CLGN: variants seen among roughly 807,000 people sequenced by gnomAD.
The protein encoded by CLGN is calmegin, also known as testis tissue sperm-binding protein Li 79P.
In CLGN, 62 loss-of-function variants were observed where a neutral mutation model predicts 79.1. The observed-to-expected ratio is 0.78, with a 90% CI of 0.64 to 0.97. The LOEUF (loss-of-function observed/expected upper bound fraction) is 0.97. Among genes scored for constraint, CLGN ranks in the 50% least tolerant of loss-of-function variants. The pLI is 0.00. For synonymous variants in CLGN, 225 were observed against 224.7 expected, an observed-to-expected ratio of 1.00 and a Z score of -0.01; for missense variants, 647 against 715.5, an observed-to-expected ratio of 0.90 and a Z score of 1.09.
intron 1 of CLGN, among the ~76,000 whole-genome samples, chr4:140,420,303 A>G (rs557194970): frequency 6.6e-6 from 1 of 152,278 alleles, no homozygotes; most frequent in South Asian, 2.1e-4. Context: ...TTCCTTAGAA[A>G]TAGTTGCCAA....
chr4:140,404,200 T>C (rs1049797766), intron 5 of CLGN, among the ~76,000 whole-genome samples: 1 of 152,012 alleles, frequency 6.6e-6, no homozygotes, highest in African/African-American at 2.4e-5. Context: ...TTCACGCCAT[T>C]CTCCTGCCTC....
At chr4:140,406,954 G>A (rs1372774018) in intron 4 of CLGN, among the ~76,000 whole-genome samples, 1 of 152,032 alleles carries the variant, frequency 6.6e-6, no homozygotes, top group African/African-American at 2.4e-5. Flanking sequence ...CCAGTATTGT[G>A]TCAACTCAAA....
At chr4:140,396,905 A>ATG (rs1168394243) in intron 8 of CLGN, among the ~76,000 whole-genome samples, 1,681 of 39,512 alleles carry the variant, frequency 0.043, 64 homozygotes, top group Admixed American at 0.21. Flanking sequence ...ATATATATAT[A>ATG]TGTATATATA....
Position 140,393,831 on chromosome 4 carries a change from T to C in CLGN, c.1360A>G (p.Asn454Asp). The C allele has an allele frequency of 6.2e-7, 1 of 1,613,408 alleles. No homozygotes were observed. ...GCTATTGGTCAACACCATACCTTAT[T>C]AGCATTTGCTATCATTATTTTCCAT... ...WRWKIMIANA[N>D]KPGVLKQLMA... The change falls in exon 11 of 15, where the codon AAT (asparagine) becomes GAT (aspartate). Residue 454 changes from asparagine to aspartate, a missense_variant. Physicochemically the swap from Asn to Asp is conservative, Grantham distance 23 (BLOSUM62 1). Coordinates refer to ENST00000325617, the MANE Select transcript of CLGN (RefSeq NM_004362.3).
chr4:140,394,219 C>T (rs1039664461), intron 10 of CLGN, among the ~76,000 whole-genome samples, 178 bp from the exon 11 acceptor site: 3 of 152,068 alleles, frequency 2.0e-5, no homozygotes, highest in East Asian at 1.9e-4. Context: ...TTGCTGTGTA[C>T]ACAATGTTCC....
intron 8 of CLGN, among the ~76,000 whole-genome samples, chr4:140,396,898 T>TATATAC (rs1728895888): frequency 1.7e-5 from 1 of 60,086 alleles, no homozygotes; most frequent in Non-Finnish European, 4.0e-5. Flanking sequence ...TATGTATATA[T>TATATAC]ATATATATGT....
In CLGN at chr4:140,409,846, T is replaced by C; in HGVS notation, c.268A>G (p.Ile90Val). Residue 90 changes from isoleucine to valine, a missense_variant, in exon 4 of 15, where the codon ATA becomes GTA. Ile to Val is a conservative substitution (Grantham distance 29, BLOSUM62 3). Transcript: ENST00000325617. ...KKDDMDEEIS[I>V]YDGRWEIEEL... ...TAAATAAATATTTTACCATCGTATA[T>C]TGAAATTTCCTCATCCATGTCATCT... The C allele has an allele frequency of 6.3e-7, 1 of 1,591,822 alleles. No homozygotes were observed. Among genetic ancestry groups the C allele is most frequent in the East Asian group, 2.3e-5 (1 of 44,404 alleles).
At chr4:140,393,539 A>G (rs554917284) in intron 11 of CLGN, among the ~76,000 whole-genome samples, 39 of 152,276 alleles carry the variant, frequency 2.6e-4, no homozygotes, top group Middle Eastern at 3.4e-3. Flanking sequence ...TGACAAAGAT[A>G]TTAAGTAGTC....
chr4:140,414,957 C>T (rs1324578106), intron 1 of CLGN, among the ~76,000 whole-genome samples: 5 of 150,722 alleles, frequency 3.3e-5, no homozygotes, highest in East Asian at 2.0e-4. Context: ...AGAGAAAGGT[C>T]GGGTTACCCT....
At position 140,408,827 on chromosome 4, in the gene CLGN, G is replaced by A. The variant is rs147690023; in HGVS notation, c.277+1010C>T. ...GAAATCCCACTACTGCTTTTTCTGT[G>A]CATATGGTGGTGTCCTTTTTGGAGT... is the stretch of plus-strand genomic sequence containing the variant. On this transcript the variant is annotated intron_variant, in intron 4 of 14. Coordinates refer to ENST00000325617, the MANE Select transcript of CLGN (RefSeq NM_004362.3). Among the ~76,000 whole-genome samples, 505 of 148,524 alleles carry A rather than the reference G, an allele frequency of 3.4e-3. 2 individuals are homozygous for A. Among genetic ancestry groups the A allele is most frequent in the African/African-American group, 0.012 (468 of 40,634 alleles).
At position 140,388,848 on chromosome 4, in the gene CLGN, T is replaced by C. The variant is rs1455186267; in HGVS notation, c.*376A>G. ...CTCATTTTTATTATAGAACTACCAG[T>C]TATATTGTTGTATAGCCATTTAAGT... On this transcript the variant is annotated 3_prime_UTR_variant, in exon 15 of 15. Coordinates refer to ENST00000325617, the MANE Select transcript of CLGN (RefSeq NM_004362.3). 5.8e-6 allele frequency: 1 copy of C among 171,972 alleles called. No homozygotes were observed. The highest frequency in any genetic ancestry group is 1.2e-5 in the Non-Finnish European group (1 of 80,050). 10.7% of individuals were successfully genotyped at this position (171,972 alleles called of 1,614,324 possible).
intron 10 of CLGN, among the ~76,000 whole-genome samples, chr4:140,395,193 C>T (rs954824267): frequency 2.7e-5 from 4 of 150,412 alleles, no homozygotes; most frequent in South Asian, 2.1e-4. Flanking sequence ...TGTCGCCAGG[C>T]GGGAGTGCAG....
intron 2 of CLGN, 132 bp from the exon 3 acceptor site, chr4:140,410,758 A>G: frequency 1.7e-6 from 1 of 603,654 alleles, no homozygotes. Flanking sequence ...AAACTCAAAT[A>G]GGATACAAAA....
At chr4:140,395,247 A>G (rs1159706100) in intron 10 of CLGN, among the ~76,000 whole-genome samples, 1 of 152,044 alleles carries the variant, frequency 6.6e-6, no homozygotes, top group Non-Finnish European at 1.5e-5. Context: ...CCAGGGTCCA[A>G]GAGATTCCCC....
At chr4:140,418,798 T>G (rs1021376272) in intron 1 of CLGN, among the ~76,000 whole-genome samples, 2 of 151,214 alleles carry the variant, frequency 1.3e-5, no homozygotes, top group Admixed American at 1.3e-4. Flanking sequence ...AGTGTGGCGA[T>G]TCCTCAGGGA....
chr4:140,422,187 T>G (rs1452345415), intron 1 of CLGN, among the ~76,000 whole-genome samples: 1 of 152,246 alleles, frequency 6.6e-6, no homozygotes, highest in African/African-American at 2.4e-5. Flanking sequence ...TATAGCTTTG[T>G]AATAAGTTTT....
In CLGN at chr4:140,398,950, T is replaced by C; in HGVS notation, c.785A>G (p.Lys262Arg). 6.2e-7 allele frequency: 1 copy of C among 1,613,946 alleles called. No homozygotes were observed. Among genetic ancestry groups the C allele is most frequent in the Non-Finnish European group, 8.5e-7 (1 of 1,179,876 alleles). ...SLLEDVVPPI[K>R]PPKEIEDPND... is the part of the protein sequence containing the mutation. Reference sequence around the variant, plus strand: ...GGGATCTTCAATTTCTTTGGGAGGTTTGATAGGAGGAACCACATCCTCTAG... The same window carrying C: ...GGGATCTTCAATTTCTTTGGGAGGTCTGATAGGAGGAACCACATCCTCTAG... Residue 262 changes from lysine (K) to arginine (R), a missense_variant, in exon 8 of 15, where the codon AAA (lysine) becomes AGA (arginine). Coordinates refer to ENST00000325617, the MANE Select transcript of CLGN (RefSeq NM_004362.3).
intron 1 of CLGN, among the ~76,000 whole-genome samples, chr4:140,419,145 T>C (rs1329763351): frequency 1.3e-5 from 2 of 152,002 alleles, no homozygotes; most frequent in Non-Finnish European, 2.9e-5. Flanking sequence ...TAGGTGGGAA[T>C]TGAACAATGA....
Position 140,410,590 on chromosome 4 carries a change from A to G in CLGN, c.181T>C (p.Tyr61His), listed in dbSNP as rs1411490094. 6.2e-7 allele frequency: 1 copy of G among 1,603,560 alleles called. No homozygotes were observed. The highest frequency in any genetic ancestry group is 1.1e-5 in the South Asian group (1 of 90,730). Residue 61 changes from tyrosine (Y) to histidine (H), a missense_variant, in exon 3 of 15, where the codon TAT becomes CAT. Transcript: ENST00000325617. ...YKTPQPIGEV[Y>H]FAETFDSGRL... is the part of the protein sequence containing the mutation. ...CCACTATCAAAAGTTTCTGCAAAAT[A>G]TACTTCTCCTATAGGTTGAGGTGTC...
Sources: gnomAD v4.1 joint callset for allele counts (sites outside exome capture counted in the v4.1 genomes callset) on GRCh38, gnomAD v4.1.1 for gene constraint, MANE v1.5 for transcripts, NCBI Gene and HGNC (gene_info 2026-07-23, HGNC 2026-07-21) for gene names.